LDB2: variants seen among roughly 807,000 people sequenced by gnomAD.
LDB2 encodes the protein LIM domain binding 2, also known as LIM domain-binding protein 2.
Under a neutral mutation model 44.3 loss-of-function variants are expected in LDB2, and 12 were observed. The observed-to-expected ratio is 0.27, with a 90% CI of 0.17 to 0.44. The LOEUF is 0.44. Ranked by LOEUF, LDB2 falls within the 20% of genes least tolerant of loss-of-function variation. LDB2 has a pLI of 1.00. For synonymous variants in LDB2, 164 were observed against 174.8 expected, an observed-to-expected ratio of 0.94 and a Z score of 0.49; for missense variants, 344 against 473.5, an observed-to-expected ratio of 0.73 and a Z score of 2.54.
chr4:16,609,018 C>T (rs150332979), intron 2 of LDB2, among the ~76,000 whole-genome samples: 340 of 152,242 alleles, frequency 2.2e-3, no homozygotes, highest in Non-Finnish European at 3.5e-3. Flanking sequence ...CCGTAATAAG[C>T]GAGTGAATCC....
At chr4:16,728,513 CA>C (rs955921561) in intron 2 of LDB2, among the ~76,000 whole-genome samples, 2 of 151,948 alleles carry the variant, frequency 1.3e-5, no homozygotes, top group East Asian at 1.9e-4. Context: ...CCTAGGGAGG[CA>C]AAAAGGATTA....
intron 1 of LDB2, among the ~76,000 whole-genome samples, chr4:16,843,415 AAATGAGTG>A (rs771292954): frequency 6.6e-6 from 1 of 152,160 alleles, no homozygotes. Context: ...AAACAGTTGT[AAATGAGTG>A]AATGAGTGAA....
At chr4:16,782,342 A>C (rs536997901) in intron 1 of LDB2, among the ~76,000 whole-genome samples, 1 of 152,022 alleles carries the variant, frequency 6.6e-6, no homozygotes, top group Non-Finnish European at 1.5e-5. Context: ...AGGAATGAAT[A>C]AAATAAATAC....
intron 2 of LDB2, among the ~76,000 whole-genome samples, chr4:16,609,752 G>A (rs1192186319): frequency 1.3e-5 from 2 of 152,198 alleles, no homozygotes; most frequent in African/African-American, 2.4e-5. Context: ...AGTCTCTGCT[G>A]ACCAGCAGAC....
At chr4:16,858,166 T>C (rs2110236478) in intron 1 of LDB2, among the ~76,000 whole-genome samples, 2 of 152,348 alleles carry the variant, frequency 1.3e-5, no homozygotes, top group East Asian at 3.9e-4. Context: ...GATAAGATCA[T>C]TATTCCCCAC....
intron 1 of LDB2, among the ~76,000 whole-genome samples, chr4:16,818,666 T>C (rs1781388411): frequency 6.6e-6 from 1 of 152,190 alleles, no homozygotes; most frequent in Non-Finnish European, 1.5e-5. Flanking sequence ...TAAATCCCTC[T>C]ATAAAAAATA....
intron 1 of LDB2, among the ~76,000 whole-genome samples, chr4:16,858,482 G>A (rs1024598004): frequency 6.6e-6 from 1 of 152,190 alleles, no homozygotes; most frequent in African/African-American, 2.4e-5. Flanking sequence ...GTGAAAAGAA[G>A]ACTTTTCCCC....
intron 1 of LDB2, among the ~76,000 whole-genome samples, chr4:16,770,810 C>G (rs1770498433): frequency 6.6e-6 from 1 of 152,040 alleles, no homozygotes; most frequent in Non-Finnish European, 1.5e-5. Context: ...ATACTGGGAA[C>G]CCTATGCAAA....
At chr4:16,525,834 A>G (rs1351149694) in intron 5 of LDB2, among the ~76,000 whole-genome samples, 1 of 152,200 alleles carries the variant, frequency 6.6e-6, no homozygotes, top group East Asian at 1.9e-4. Context: ...AAATGTGGAT[A>G]CCTTGGCTAA....
At chr4:16,606,647 A>C (rs1332800909) in intron 2 of LDB2, among the ~76,000 whole-genome samples, 2 of 152,248 alleles carry the variant, frequency 1.3e-5, no homozygotes, top group Non-Finnish European at 1.5e-5. Flanking sequence ...TGACTAATTT[A>C]CATTTGACCT....
rs981994816 is a variant in LDB2 at position 16,762,986 on chromosome 4, A to G, written c.133-3726T>C. On this transcript the variant is annotated intron_variant, in intron 1 of 7. Transcript: ENST00000304523. Reference sequence around the variant, plus strand: ...AGAATGAGAAATGTCATATGATTCAAACTAGCTTCAGTGGAACATGGGATG... The same window carrying G: ...AGAATGAGAAATGTCATATGATTCAGACTAGCTTCAGTGGAACATGGGATG... Among the ~76,000 whole-genome samples, 3 of 152,180 alleles carry G rather than the reference A, an allele frequency of 2.0e-5. No individual in the cohort carries two copies. In the South Asian group the frequency reaches 6.2e-4, roughly 32 times the overall value.
intron 2 of LDB2, among the ~76,000 whole-genome samples, chr4:16,671,434 C>A (rs1397062273): frequency 6.6e-6 from 1 of 152,144 alleles, no homozygotes; most frequent in Non-Finnish European, 1.5e-5. Context: ...GATGTGCAGG[C>A]TACTGTCACC....
chr4:16,676,361 C>T (rs1186921932), intron 2 of LDB2, among the ~76,000 whole-genome samples: 2 of 152,160 alleles, frequency 1.3e-5, no homozygotes, highest in African/African-American at 4.8e-5. Flanking sequence ...TCCATTATTG[C>T]TAGAAAGTGG....
At chr4:16,678,215 T>C (rs550160749) in intron 2 of LDB2, among the ~76,000 whole-genome samples, 4 of 152,274 alleles carry the variant, frequency 2.6e-5, no homozygotes, top group Middle Eastern at 3.4e-3. Flanking sequence ...TTAGGACAAA[T>C]AGTTGTAGGA....
chr4:16,582,081 G>C lies in LDB2; in HGVS notation c.615+3841C>G, dbSNP rs1714894604. Among the ~76,000 whole-genome samples, 1 of 152,132 alleles carries C rather than the reference G, an allele frequency of 6.6e-6. No individual in the cohort carries two copies. The highest frequency in any genetic ancestry group is 2.4e-5 in the African/African-American group (1 of 41,430). ...AAAGTAAGTCCCTGCAAAGCATATA[G>C]CAGCAATGCCTGGCACATAGTAAGT... On this transcript the variant is annotated intron_variant, in intron 5 of 7. Coordinates refer to ENST00000304523, the MANE Select transcript of LDB2 (RefSeq NM_001290.5). The surrounding 1 kb of genome is among the most constrained non-coding windows in gnomAD (Gnocchi z 4.8).
intron 2 of LDB2, among the ~76,000 whole-genome samples, chr4:16,687,682 A>G (rs983136209): frequency 2.0e-5 from 3 of 152,138 alleles, no homozygotes; most frequent in African/African-American, 7.2e-5. Context: ...CATCCAATGT[A>G]AGGAACTCTG....
At chr4:16,519,765 G>A (rs1040772621) in intron 5 of LDB2, among the ~76,000 whole-genome samples, 2 of 151,574 alleles carry the variant, frequency 1.3e-5, no homozygotes, top group African/African-American at 4.8e-5. Context: ...CTAGAAAATG[G>A]GGATAATACT....
intron 2 of LDB2, among the ~76,000 whole-genome samples, chr4:16,677,486 G>T (rs1711020728): frequency 6.6e-6 from 1 of 152,164 alleles, no homozygotes; most frequent in Non-Finnish European, 1.5e-5. Flanking sequence ...CACTCATCAG[G>T]CAGAAGAACT....
rs75719144 is a variant in LDB2 at position 16,896,421 on chromosome 4, T to A, written c.132+1933A>T. Among the ~76,000 whole-genome samples the A allele has an allele frequency of 1.7e-3, 254 of 152,232 alleles. 2 individuals carry two copies. Among genetic ancestry groups the A allele is most frequent in the African/African-American group, 5.8e-3 (240 of 41,532 alleles). ...TATTGAATCCTGCAGTTTTTTTTAA[T>A]GAGGGCAAGAGTAGGGAAATCTTGC... On this transcript the variant is annotated intron_variant, in intron 1 of 7. Transcript: ENST00000304523.
Sources: gnomAD v4.1 joint callset for allele counts (sites outside exome capture counted in the v4.1 genomes callset) on GRCh38, gnomAD v4.1.1 for gene constraint, Gnocchi (gnomAD v3.1) non-coding constraint, MANE v1.5 for transcripts, NCBI Gene and HGNC (gene_info 2026-07-23, HGNC 2026-07-21) for gene names.